The following BCL2L1 variants were observed in gnomAD, a reference collection of about 807,000 sequenced individuals.
BCL2L1 encodes bcl-2-like protein 1.
BCL2L1 carries 1 observed loss-of-function variant against 18.7 expected under a neutral mutation model. The observed-to-expected ratio is 0.05, with a 90% CI of 0.02 to 0.25. The LOEUF (loss-of-function observed/expected upper bound fraction) is 0.25, where lower values mean the gene tolerates loss of function less well. Ranked by LOEUF, BCL2L1 falls within the 10% of genes least tolerant of loss-of-function variation. BCL2L1 has a pLI of 1.00. For missense variants in BCL2L1, 207 were observed against 304.9 expected, an observed-to-expected ratio of 0.68 and a Z score of 2.39; for synonymous variants, 103 against 122.7, an observed-to-expected ratio of 0.84 and a Z score of 1.06.
chr20:31,710,096 G>C (rs1234430779), intron 2 of BCL2L1, among the ~76,000 whole-genome samples: 1 of 152,090 alleles, frequency 6.6e-6, no homozygotes, highest in South Asian at 2.1e-4. Flanking sequence ...CACCGTGTGA[G>C]GTGGTCTACA....
chr20:31,676,516 CA>C (rs1397348760), intron 2 of BCL2L1, among the ~76,000 whole-genome samples: 3 of 152,098 alleles, frequency 2.0e-5, no homozygotes, highest in Non-Finnish European at 4.4e-5. Context: ...CCCGTCATCT[CA>C]ACTCTCTCAT....
chr20:31,683,737 C>G (rs1443864730), intron 2 of BCL2L1, among the ~76,000 whole-genome samples: 1 of 131,006 alleles, frequency 7.6e-6, no homozygotes, highest in South Asian at 2.6e-4. Context: ...CCACTGCACT[C>G]CAGCCTGGGC....
intron 2 of BCL2L1, among the ~76,000 whole-genome samples, chr20:31,684,533 C>T (rs1198109662): frequency 1.3e-5 from 2 of 152,098 alleles, no homozygotes; most frequent in Non-Finnish European, 2.9e-5. Flanking sequence ...TCCCCAGTCT[C>T]CTCCGTCAGT....
chr20:31,720,745 G>C (rs2061610326), intron 2 of BCL2L1: 3 of 984,858 alleles, frequency 3.0e-6, no homozygotes, highest in African/African-American at 1.7e-5. Flanking sequence ...CACACAGCTA[G>C]TTACATGACA....
At chr20:31,668,146 C>T (rs932056591) in intron 2 of BCL2L1, among the ~76,000 whole-genome samples, 2 of 152,054 alleles carry the variant, frequency 1.3e-5, no homozygotes, top group African/African-American at 4.8e-5. Flanking sequence ...GCTGTTCCTG[C>T]TTGCCTGGAG....
At chr20:31,719,632 C>CA (rs1258917986) in intron 2 of BCL2L1, among the ~76,000 whole-genome samples, 1 of 152,146 alleles carries the variant, frequency 6.6e-6, no homozygotes, top group African/African-American at 2.4e-5. Flanking sequence ...GATTCTTAAG[C>CA]AAAGAGATGG....
intron 1 of BCL2L1, 87 bp downstream of exon 1, chr20:31,722,530 AC>A: frequency 4.5e-6 from 1 of 222,764 alleles, no homozygotes; most frequent in Non-Finnish European, 8.7e-6. Context: ...AGCCTTTTCT[AC>A]CCCCGTCTTC....
chr20:31,695,635 T>C (rs1157186207), intron 2 of BCL2L1, among the ~76,000 whole-genome samples: 1 of 152,194 alleles, frequency 6.6e-6, no homozygotes, highest in African/African-American at 2.4e-5. Flanking sequence ...TATGCCCAAC[T>C]AAACTCTGGC....
chr20:31,723,602 A>G, upstream of BCL2L1: 1 of 985,272 alleles, frequency 1.0e-6, no homozygotes, highest in Non-Finnish European at 1.2e-6. Context: ...GACCTTCCTG[A>G]GAGGAGGGGC....
At chr20:31,683,718 G>A (rs1468167520) in intron 2 of BCL2L1, among the ~76,000 whole-genome samples, 3 of 137,866 alleles carry the variant, frequency 2.2e-5, no homozygotes, top group African/African-American at 8.0e-5. Flanking sequence ...GCAGTGAGCC[G>A]AGGCTGCGCC....
At chr20:31,716,863 T>C (rs768077219) in intron 2 of BCL2L1, 1 of 152,236 alleles carries the variant, frequency 6.6e-6, no homozygotes, top group Non-Finnish European at 1.5e-5. Flanking sequence ...GCTGGTGATA[T>C]TCTCCTGGGT....
At chr20:31,716,931 C>T (rs778527365) in intron 2 of BCL2L1, 11 of 152,112 alleles carry the variant, frequency 7.2e-5, no homozygotes, top group Non-Finnish European at 1.5e-4. Flanking sequence ...TCAGGTCTGC[C>T]AACTGGGAAC....
chr20:31,697,782 G>A (rs1215273012), intron 2 of BCL2L1, among the ~76,000 whole-genome samples: 1 of 151,948 alleles, frequency 6.6e-6, no homozygotes, highest in Admixed American at 6.5e-5. Flanking sequence ...CTTCTCTGTA[G>A]AATGTGGATA....
intron 2 of BCL2L1, among the ~76,000 whole-genome samples, chr20:31,700,089 G>A (rs2061250596): frequency 1.3e-5 from 2 of 152,164 alleles, no homozygotes; most frequent in Non-Finnish European, 2.9e-5. Flanking sequence ...AATCTTGTTT[G>A]TTTCTCGGGC....
At chr20:31,697,520 C>T (rs2061194780) in intron 2 of BCL2L1, among the ~76,000 whole-genome samples, 1 of 151,964 alleles carries the variant, frequency 6.6e-6, no homozygotes, top group Non-Finnish European at 1.5e-5. Flanking sequence ...TCACTGCAAC[C>T]TCCACCTCCC....
At chr20:31,723,274 T>C (rs1234569108), upstream of BCL2L1, 14 of 985,464 alleles carry the variant, frequency 1.4e-5, no homozygotes, top group African/African-American at 7.0e-5. Flanking sequence ...GGGTCCTCCA[T>C]TCCCCGCCCG....
Position 31,665,964 on chromosome 20 carries a change from G to C in BCL2L1, c.687C>G (p.Leu229=), listed in dbSNP as rs150204038. The C allele has an allele frequency of 1.2e-6, 2 of 1,613,824 alleles. No homozygotes were observed. Among genetic ancestry groups the C allele is most frequent in the Non-Finnish European group, 1.7e-6 (2 of 1,180,008 alleles). The change falls in exon 3 of 3, where the codon CTC becomes CTG. Residue 229 remains leucine, a synonymous_variant. Coordinates refer to ENST00000307677, the MANE Select transcript of BCL2L1 (RefSeq NM_138578.3). ...TVAGVVLLGS[L]FSRK ...CAGTGTCTGGTCATTTCCGACTGAA[G>C]AGTGAGCCCAGCAGAACCACGCCGG...
intron 2 of BCL2L1, among the ~76,000 whole-genome samples, chr20:31,712,844 T>G (rs2061475043): frequency 1.3e-5 from 2 of 151,900 alleles, no homozygotes; most frequent in Non-Finnish European, 2.9e-5. Context: ...ATCTGAGGCA[T>G]AGTTGAGTGC....
At chr20:31,707,582 C>G (rs2061387367) in intron 2 of BCL2L1, among the ~76,000 whole-genome samples, 2 of 151,954 alleles carry the variant, frequency 1.3e-5, no homozygotes, top group South Asian at 4.2e-4. Context: ...AGTTCGAGAC[C>G]AGCCTGATCA....
Sources: allele counts gnomAD v4.1 joint callset (sites outside exome capture counted in the v4.1 genomes callset), GRCh38; gene constraint gnomAD v4.1.1; transcripts MANE v1.5; gene names NCBI Gene and HGNC (gene_info 2026-07-23, HGNC 2026-07-21).